The following TYW1 variants were observed in gnomAD, a reference collection of about 807,000 sequenced individuals.
TYW1 encodes tRNA-yW synthesizing protein 1 homolog.
TYW1 carries 46 observed loss-of-function variants against 96.2 expected under a neutral mutation model. That is an observed-to-expected ratio of 0.48 (90% CI 0.38 to 0.61). The LOEUF is 0.61. TYW1 is among the 20% of genes least tolerant of loss of function. TYW1 has a pLI of 0.00. For missense variants in TYW1, 684 were observed against 909.6 expected (o/e 0.75, Z 3.19); for synonymous variants, 274 against 323.0 (o/e 0.85, Z 1.63).
chr7:67,039,830 T>G (rs1794959669), intron 7 of TYW1, among the ~76,000 whole-genome samples: 1 of 151,640 alleles, frequency 6.6e-6, no homozygotes. Context: ...GCCCAGCTAA[T>G]TTTTGTATTT....
In TYW1 at chr7:67,018,090, G is replaced by A; in HGVS notation, c.808G>A (p.Glu270Lys). ...KCESHQHGSE[E>K]REEGSHEQDE... ...TGAATCTCACCAACATGGCTCAGAG[G>A]AGAGGGAGGAAGGATCTCATGAGCA... The change falls in exon 6 of 16, where the codon GAG becomes AAG. Residue 270 changes from glutamate to lysine, a missense_variant. Glu to Lys is a moderately conservative substitution (Grantham distance 56). Coordinates refer to ENST00000359626, the MANE Select transcript of TYW1 (RefSeq NM_018264.4). 1 of 1,614,134 alleles carries A rather than the reference G, an allele frequency of 6.2e-7. No homozygotes were observed. Among genetic ancestry groups the A allele is most frequent in the Non-Finnish European group, 8.5e-7 (1 of 1,180,028 alleles).
At chr7:67,232,042 T>C (rs1340874001) in intron 15 of TYW1, among the ~76,000 whole-genome samples, 1 of 151,472 alleles carries the variant, frequency 6.6e-6, no homozygotes, top group African/African-American at 2.4e-5. Flanking sequence ...CCAGCCTGGC[T>C]AACATGGTGA....
chr7:67,231,746 G>A (rs990134185), intron 15 of TYW1, among the ~76,000 whole-genome samples: 3 of 151,314 alleles, frequency 2.0e-5, no homozygotes, highest in Non-Finnish European at 2.9e-5. Context: ...TGCCTCAGAC[G>A]GTGTGTCTGG....
intron 14 of TYW1, among the ~76,000 whole-genome samples, chr7:67,185,489 A>G (rs1799990187): frequency 1.3e-5 from 2 of 152,174 alleles, no homozygotes; most frequent in African/African-American, 4.8e-5. Flanking sequence ...ACATTTTGCT[A>G]GATTATAGGT....
intron 13 of TYW1, among the ~76,000 whole-genome samples, chr7:67,138,393 A>G (rs532344659): frequency 6.6e-6 from 1 of 152,254 alleles, no homozygotes; most frequent in South Asian, 2.1e-4. Context: ...AGATACTTTG[A>G]TACAGGCATA....
chr7:67,115,304 G>C (rs1797561653), intron 12 of TYW1, among the ~76,000 whole-genome samples: 1 of 148,044 alleles, frequency 6.8e-6, no homozygotes, highest in Non-Finnish European at 1.5e-5. Context: ...TTTTATTAAA[G>C]AGGCACTCAG....
At chr7:67,055,570 G>T (rs1795482194) in intron 8 of TYW1, among the ~76,000 whole-genome samples, 1 of 149,942 alleles carries the variant, frequency 6.7e-6, no homozygotes, top group Middle Eastern at 3.5e-3. Context: ...CTGCACTCCT[G>T]CCTGGGTGAC....
At chr7:67,124,891 A>G (rs1213592023) in intron 13 of TYW1, among the ~76,000 whole-genome samples, 1 of 151,948 alleles carries the variant, frequency 6.6e-6, no homozygotes, top group Admixed American at 6.6e-5. Context: ...CTGGAGTGCA[A>G]TGGCGTGATC....
chr7:67,175,006 T>A (rs28403411), intron 13 of TYW1, among the ~76,000 whole-genome samples: 5 of 151,728 alleles, frequency 3.3e-5, no homozygotes, highest in African/African-American at 9.7e-5. Flanking sequence ...ATTGCTTTTT[T>A]AAATTTAAAA....
At position 67,005,048 on chromosome 7, in the gene TYW1, G is replaced by A. The variant is rs1368966773; in HGVS notation, c.274-4535G>A. Among the ~76,000 whole-genome samples the A allele has an allele frequency of 2.6e-5, 4 of 151,982 alleles. 1 individual carries two copies. Among genetic ancestry groups the A allele is most frequent in the African/African-American group, 9.7e-5 (4 of 41,412 alleles). On this transcript the variant is annotated intron_variant, in intron 3 of 15. Transcript: ENST00000359626. The stretch of plus-strand genomic sequence containing the variant: ...TGGGATTACAGATGTGAGCCACCAT[G>A]CCCTGCTTGAAATTTCTTTTCTTTA...
At chr7:67,001,353 A>G (rs1231771440) in intron 3 of TYW1, among the ~76,000 whole-genome samples, 2 of 151,984 alleles carry the variant, frequency 1.3e-5, no homozygotes, top group East Asian at 3.8e-4. Flanking sequence ...TGGGGTAGAT[A>G]GCCATCTTCC....
At chr7:67,035,974 G>T (rs7781512) in intron 7 of TYW1, among the ~76,000 whole-genome samples, 28,714 of 143,778 alleles carry the variant, frequency 0.2, 4,483 homozygotes, top group Admixed American at 0.28. Context: ...ACTGTGCCCG[G>T]CCGGTTCTAT....
chr7:67,135,882 A>G (rs563931401), intron 13 of TYW1, among the ~76,000 whole-genome samples: 3 of 152,322 alleles, frequency 2.0e-5, no homozygotes, highest in South Asian at 4.1e-4. Flanking sequence ...TCCTGCAGAG[A>G]ACATTCTTAT....
At chr7:67,094,079 A>G (rs183139674) in intron 11 of TYW1, among the ~76,000 whole-genome samples, 67 of 152,216 alleles carry the variant, frequency 4.4e-4, no homozygotes, top group African/African-American at 1.5e-3. Flanking sequence ...GTTCCCACTT[A>G]AAAGTGAGAA....
intron 15 of TYW1, among the ~76,000 whole-genome samples, chr7:67,213,164 G>A (rs1801094406): frequency 1.4e-5 from 2 of 138,412 alleles, no homozygotes; most frequent in South Asian, 2.3e-4. Flanking sequence ...GAGCCACCAC[G>A]CCCGGCCCTT....
chr7:67,186,847 T>G (rs1410455931), intron 14 of TYW1, among the ~76,000 whole-genome samples: 1 of 152,080 alleles, frequency 6.6e-6, no homozygotes, highest in East Asian at 1.9e-4. Flanking sequence ...ATTTTACTAT[T>G]TTGTCCTTGC....
At chr7:67,018,977 A>AAC (rs1562968188) in intron 6 of TYW1, among the ~76,000 whole-genome samples, 4 of 100,422 alleles carry the variant, frequency 4.0e-5, no homozygotes, top group Non-Finnish European at 6.7e-5. Flanking sequence ...AAAAAAAGAA[A>AAC]AAAACAAAAT....
chr7:67,029,414 T>TATATATACATATATATATATATATATAC lies in TYW1; in HGVS notation c.984+4392_984+4393insATATATACATATATATATATATATATAC, dbSNP rs1562973615. On this transcript the variant is annotated intron_variant, in intron 7 of 15. Coordinates refer to ENST00000359626, the MANE Select transcript of TYW1 (RefSeq NM_018264.4). ...GTGTGTGTGTGTGTGTGTGTGTGTG[T>TATATATACATATATATATATATATATAC]GTATATATATATATATATAAATAGT... 5.8e-5 allele frequency among the ~76,000 whole-genome samples: 8 copies of TATATATACATATATATATATATATATAC among 138,374 alleles called. 1 individual carries two copies. The highest frequency in any genetic ancestry group is 9.3e-5 in the Non-Finnish European group (6 of 64,454). The allele number at this position is 138,374 out of a possible 152,430, so 90.8% of individuals were successfully genotyped here.
chr7:67,052,130 A>T (rs1046492677), intron 8 of TYW1, among the ~76,000 whole-genome samples: 6 of 151,956 alleles, frequency 3.9e-5, no homozygotes, highest in Admixed American at 1.3e-4. Context: ...GCCTCAGTTT[A>T]GTTTTCTTCA....
Sources: allele counts gnomAD v4.1 joint callset (sites outside exome capture counted in the v4.1 genomes callset), GRCh38; gene constraint gnomAD v4.1.1; transcripts MANE v1.5; gene names NCBI Gene and HGNC (gene_info 2026-07-23, HGNC 2026-07-21).